Variants in CNTNAP2 observed in about 807,000 individuals in gnomAD.
CNTNAP2 encodes the protein contactin-associated protein-like 2.
Under a neutral mutation model 155.2 loss-of-function variants are expected in CNTNAP2, and 98 were observed. That is an observed-to-expected ratio of 0.63 (90% CI 0.54 to 0.75). The LOEUF (loss-of-function observed/expected upper bound fraction) is 0.75, where lower values mean the gene tolerates loss of function less well. Among genes scored for constraint, CNTNAP2 ranks in the 30% least tolerant of loss-of-function variants. The pLI is 0.00. For missense variants in CNTNAP2, 1,727 were observed against 1,688.1 expected (o/e 1.02, Z -0.40); for synonymous variants, 651 against 631.2 (o/e 1.03, Z -0.47).
chr7:146,780,611 G>A (rs549761852), intron 2 of CNTNAP2, among the ~76,000 whole-genome samples: 8 of 151,886 alleles, frequency 5.3e-5, no homozygotes, highest in South Asian at 2.1e-4. Flanking sequence ...TTTGTTGGCC[G>A]CAATCCAACC....
chr7:147,940,661 A>T (rs1026099158), intron 14 of CNTNAP2, among the ~76,000 whole-genome samples: 3 of 152,092 alleles, frequency 2.0e-5, no homozygotes, highest in African/African-American at 7.2e-5. Flanking sequence ...CAGCCTCCTG[A>T]GTAGCTGGGA....
chr7:147,178,744 ACTG>A (rs1224119399), intron 8 of CNTNAP2, among the ~76,000 whole-genome samples: 1 of 152,184 alleles, frequency 6.6e-6, no homozygotes, highest in Non-Finnish European at 1.5e-5. Context: ...AGCTAAGAGA[ACTG>A]CTCTGTTTTA....
At chr7:146,266,878 A>G (rs1354391758) in intron 1 of CNTNAP2, among the ~76,000 whole-genome samples, 2 of 145,792 alleles carry the variant, frequency 1.4e-5, no homozygotes, top group African/African-American at 5.5e-5. Flanking sequence ...GAAGGTTCAC[A>G]TTGCTGAATT....
chr7:147,880,837 T>C (rs966270353), intron 13 of CNTNAP2, among the ~76,000 whole-genome samples: 26 of 149,068 alleles, frequency 1.7e-4, no homozygotes, highest in Admixed American at 1.4e-3. Context: ...ACCATTTTCA[T>C]GTGATGATTG....
intron 11 of CNTNAP2, among the ~76,000 whole-genome samples, chr7:147,554,469 G>C (rs1198090240): frequency 6.6e-6 from 1 of 152,018 alleles, no homozygotes; most frequent in East Asian, 1.9e-4. Context: ...TATGGGGAAG[G>C]GAGAGAGTAG....
Position 146,342,451 on chromosome 7 carries a change from C to G in CNTNAP2, c.97+225478C>G, listed in dbSNP as rs117677545. Among the ~76,000 whole-genome samples the G allele has an allele frequency of 2.5e-3, 377 of 152,126 alleles. 14 individuals are homozygous for G. In the East Asian group the frequency reaches 0.066, roughly 27 times the overall value. On this transcript the variant is annotated intron_variant, in intron 1 of 23. Transcript: ENST00000361727. ...AGCACAAACATCAAGAACTCTAAAC[C>G]TAAAAGTGATTTAGACAAGTTAAAT... is the stretch of plus-strand genomic sequence containing the variant.
intron 4 of CNTNAP2, among the ~76,000 whole-genome samples, chr7:147,107,035 G>T (rs1041040500): frequency 6.6e-6 from 1 of 152,154 alleles, no homozygotes; most frequent in African/African-American, 2.4e-5. Flanking sequence ...GCTTTGTCCA[G>T]ACTTGTAATT....
At chr7:147,047,642 A>G (rs762712896) in intron 4 of CNTNAP2, among the ~76,000 whole-genome samples, 7 of 152,194 alleles carry the variant, frequency 4.6e-5, no homozygotes, top group Admixed American at 3.9e-4. Flanking sequence ...AACATTGTCA[A>G]TGAAGTTACT....
intron 16 of CNTNAP2, among the ~76,000 whole-genome samples, chr7:148,133,312 A>C (rs1469116283): frequency 6.6e-6 from 1 of 152,116 alleles, no homozygotes; most frequent in Non-Finnish European, 1.5e-5. Flanking sequence ...AAATACAAAA[A>C]TTAGCTGGGC....
At chr7:147,006,368 C>A (rs2129242556) in intron 3 of CNTNAP2, among the ~76,000 whole-genome samples, 1 of 152,056 alleles carries the variant, frequency 6.6e-6, no homozygotes, top group Admixed American at 6.6e-5. Context: ...AGGGAGATAT[C>A]TTTTACAAAT....
At chr7:148,277,091 G>A (rs1796882431) in intron 21 of CNTNAP2, among the ~76,000 whole-genome samples, 1 of 150,880 alleles carries the variant, frequency 6.6e-6, no homozygotes, top group Non-Finnish European at 1.5e-5. Context: ...TATAAGGTGG[G>A]GACCAGGTGT....
intron 1 of CNTNAP2, among the ~76,000 whole-genome samples, chr7:146,645,525 G>A (rs781542255): frequency 1.3e-5 from 2 of 152,102 alleles, no homozygotes; most frequent in African/African-American, 4.8e-5. Context: ...CATCCCTGTG[G>A]GTATGAAACA....
At chr7:147,737,296 C>G (rs979949673) in intron 13 of CNTNAP2, among the ~76,000 whole-genome samples, 3 of 152,210 alleles carry the variant, frequency 2.0e-5, no homozygotes, top group South Asian at 4.1e-4. Context: ...CACTCCAGAC[C>G]CTGTTTGCCT....
At chr7:147,310,517 A>G (rs1795104106) in intron 9 of CNTNAP2, among the ~76,000 whole-genome samples, 1 of 152,212 alleles carries the variant, frequency 6.6e-6, no homozygotes, top group Non-Finnish European at 1.5e-5. Flanking sequence ...TATCTTCTAT[A>G]TCTAAAATGC....
At chr7:147,050,508 C>T (rs556843062) in intron 4 of CNTNAP2, among the ~76,000 whole-genome samples, 2 of 152,278 alleles carry the variant, frequency 1.3e-5, no homozygotes, top group Admixed American at 1.3e-4. Context: ...TGATGGAAAA[C>T]TGTCTTGCTG....
intron 15 of CNTNAP2, among the ~76,000 whole-genome samples, chr7:148,094,667 G>A (rs938090917): frequency 4.6e-5 from 7 of 152,166 alleles, no homozygotes; most frequent in Non-Finnish European, 1.0e-4. Flanking sequence ...GAGATTTCTG[G>A]CTTAGAAGAG....
chr7:147,537,526 CCTTA>C (rs1799565625), intron 11 of CNTNAP2, among the ~76,000 whole-genome samples: 1 of 151,758 alleles, frequency 6.6e-6, no homozygotes. Context: ...AATAGTGGGG[CCTTA>C]CTTACCTACA....
chr7:147,905,993 G>A (rs1799951334), intron 14 of CNTNAP2, among the ~76,000 whole-genome samples: 2 of 152,074 alleles, frequency 1.3e-5, no homozygotes, highest in Non-Finnish European at 2.9e-5. Flanking sequence ...GGAGGAAGAG[G>A]CATAAACTTG....
intron 3 of CNTNAP2, among the ~76,000 whole-genome samples, chr7:146,859,807 G>A (rs75731383): frequency 0.031 from 4,745 of 152,102 alleles, 226 homozygotes; most frequent in African/African-American, 0.11. Context: ...AATATTGCAC[G>A]TGGTATCTCA....
Sources: gnomAD v4.1 joint callset for allele counts (sites outside exome capture counted in the v4.1 genomes callset) on GRCh38, gnomAD v4.1.1 for gene constraint, MANE v1.5 for transcripts, NCBI Gene and HGNC (gene_info 2026-07-23, HGNC 2026-07-21) for gene names.